The following ARHGAP25 variants were observed in gnomAD, a reference collection of about 807,000 sequenced individuals.
ARHGAP25 encodes the protein Rho GTPase activating protein 25.
ARHGAP25 carries 34 observed loss-of-function variants against 71.0 expected under a neutral mutation model. The observed-to-expected ratio is 0.48, with a 90% CI of 0.36 to 0.64. The LOEUF (loss-of-function observed/expected upper bound fraction) is 0.64. Ranked by LOEUF, ARHGAP25 falls within the 30% of genes least tolerant of loss-of-function variation. The pLI is 0.00. For missense variants in ARHGAP25, 706 were observed against 805.1 expected, an observed-to-expected ratio of 0.88 and a Z score of 1.49; for synonymous variants, 282 against 296.5, an observed-to-expected ratio of 0.95 and a Z score of 0.50.
chr2:68,793,103 C>T (rs1679305779), intron 4 of ARHGAP25, among the ~76,000 whole-genome samples: 1 of 151,962 alleles, frequency 6.6e-6, no homozygotes, highest in Non-Finnish European at 1.5e-5. Context: ...ATGTCCTTTA[C>T]CCACTTTTTA....
At chr2:68,779,541 T>C (rs1033599210) in intron 2 of ARHGAP25, among the ~76,000 whole-genome samples, 9 of 152,144 alleles carry the variant, frequency 5.9e-5, no homozygotes, top group Non-Finnish European at 1.2e-4. Context: ...TTTTGAAAAA[T>C]GCTTTAACAA....
chr2:68,777,898 A>G (rs1463566977), intron 2 of ARHGAP25, among the ~76,000 whole-genome samples: 1 of 152,146 alleles, frequency 6.6e-6, no homozygotes, highest in Non-Finnish European at 1.5e-5. Context: ...CCTTCCCTAT[A>G]CATATGTATT....
chr2:68,787,768 T>C (rs1274401473), intron 3 of ARHGAP25, 72 bp from the exon 4 acceptor site: 10 of 1,252,408 alleles, frequency 8.0e-6, no homozygotes, highest in Non-Finnish European at 1.1e-5. Context: ...TTAGGTCTGG[T>C]TCCCTTCTCT....
intron 1 of ARHGAP25, among the ~76,000 whole-genome samples, chr2:68,740,322 T>C (rs940977270): frequency 1.3e-5 from 2 of 152,212 alleles, no homozygotes; most frequent in Non-Finnish European, 2.9e-5. Context: ...TGTATCTACT[T>C]TTTTGGAGAA....
intron 1 of ARHGAP25, among the ~76,000 whole-genome samples, chr2:68,761,816 A>C (rs567240638): frequency 1.9e-4 from 29 of 152,308 alleles, no homozygotes; most frequent in African/African-American, 6.7e-4. Flanking sequence ...ACTATGGAAA[A>C]CAGTATAGCA....
chr2:68,781,263 G>A (rs961678254), intron 2 of ARHGAP25, among the ~76,000 whole-genome samples: 9 of 152,076 alleles, frequency 5.9e-5, no homozygotes, highest in Admixed American at 1.3e-4. Flanking sequence ...AGTGGTGAGC[G>A]CCTGTAGTGC....
At chr2:68,758,513 G>A (rs1183539746) in intron 1 of ARHGAP25, among the ~76,000 whole-genome samples, 2 of 151,606 alleles carry the variant, frequency 1.3e-5, no homozygotes, top group Non-Finnish European at 3.0e-5. Flanking sequence ...AAGAAACAAA[G>A]AAAAACATTA....
At chr2:68,720,105 G>C (rs897063364) in intron 2 of ARHGAP25, among the ~76,000 whole-genome samples, 1 of 152,000 alleles carries the variant, frequency 6.6e-6, no homozygotes, top group African/African-American at 2.4e-5. Context: ...GACTGATCAG[G>C]GTTCTTTTCT....
chr2:68,771,096 TC>T (rs1677459547), intron 1 of ARHGAP25, among the ~76,000 whole-genome samples: 1 of 152,188 alleles, frequency 6.6e-6, no homozygotes, highest in Non-Finnish European at 1.5e-5. Flanking sequence ...CCTATTTAAT[TC>T]ATTTAAATGT....
chr2:68,781,389 C>CAAAAAAAAAAAAAAAAAAAAAAAAAAAA (rs1558633154), intron 2 of ARHGAP25, among the ~76,000 whole-genome samples: 1 of 151,854 alleles, frequency 6.6e-6, no homozygotes, highest in African/African-American at 2.4e-5. Flanking sequence ...GACTCCGTCT[C>CAAAAAAAAAAAAAAAAAAAAAAAAAAAA]AAAAAGAAAC....
chr2:68,719,370 T>C (rs1221493413), intron 2 of ARHGAP25, among the ~76,000 whole-genome samples: 1 of 146,520 alleles, frequency 6.8e-6, no homozygotes, highest in African/African-American at 2.5e-5. Context: ...GTAGATAGTG[T>C]CAGAACCGAA....
intron 4 of ARHGAP25, among the ~76,000 whole-genome samples, chr2:68,793,143 T>C (rs1034822908): frequency 3.9e-5 from 6 of 152,168 alleles, no homozygotes; most frequent in African/African-American, 1.2e-4. Flanking sequence ...TGTTGTTGAG[T>C]TATTTGAGCT....
At chr2:68,760,376 T>G (rs1395042433) in intron 1 of ARHGAP25, among the ~76,000 whole-genome samples, 1 of 151,886 alleles carries the variant, frequency 6.6e-6, no homozygotes, top group East Asian at 1.9e-4. Context: ...AGCATCCACA[T>G]TAGAAAAGAA....
intron 2 of ARHGAP25, among the ~76,000 whole-genome samples, chr2:68,728,912 G>A (rs984977546): frequency 1.4e-4 from 21 of 152,096 alleles, no homozygotes; most frequent in African/African-American, 4.8e-4. Context: ...AATATTATTT[G>A]GCCATGAAAA....
intron 9 of ARHGAP25, among the ~76,000 whole-genome samples, chr2:68,821,162 T>C (rs1204988730): frequency 1.4e-5 from 2 of 144,966 alleles, no homozygotes; most frequent in African/African-American, 5.1e-5. Flanking sequence ...GGTGGTGCGA[T>C]CACAGCTTAC....
At position 68,767,792 on chromosome 2, in the gene ARHGAP25, G is replaced by A. The variant is rs1346766450; in HGVS notation, c.62-7429G>A. Reference sequence around the variant, plus strand: ...ACCATTTCTCTGTCACTGTGTTTTCGAGGCCTGCTGAGCCTTGCAGAGCAT... The same window carrying A: ...ACCATTTCTCTGTCACTGTGTTTTCAAGGCCTGCTGAGCCTTGCAGAGCAT... On this transcript the variant is annotated intron_variant, in intron 1 of 10. Coordinates refer to ENST00000409202, the MANE Select transcript of ARHGAP25 (RefSeq NM_001007231.3). This position sits in a 1 kb window ranked among gnomAD's most constrained non-coding sequence, Gnocchi z 4.6. Among the ~76,000 whole-genome samples the A allele has an allele frequency of 2.6e-5, 4 of 152,158 alleles. No individual in the cohort carries two copies. The highest frequency in any genetic ancestry group is 7.2e-5 in the African/African-American group (3 of 41,426).
intron 2 of ARHGAP25, among the ~76,000 whole-genome samples, chr2:68,724,002 T>G (rs1372988187): frequency 6.6e-6 from 1 of 152,010 alleles, no homozygotes; most frequent in Non-Finnish European, 1.5e-5. Flanking sequence ...GCTACCTGAG[T>G]AGCTGGGACT....
intron 3 of ARHGAP25, among the ~76,000 whole-genome samples, chr2:68,782,857 G>C (rs576009691): frequency 2.4e-4 from 36 of 152,330 alleles, no homozygotes; most frequent in South Asian, 4.1e-4. Flanking sequence ...GAATGCATTT[G>C]GAACAAGGGG....
chr2:68,778,065 ATTTAT>A (rs1398271386), intron 2 of ARHGAP25, among the ~76,000 whole-genome samples: 2 of 152,164 alleles, frequency 1.3e-5, no homozygotes, highest in Non-Finnish European at 2.9e-5. Context: ...ATGTTCCATA[ATTTAT>A]TTAATTAATT....
Sources: allele counts gnomAD v4.1 joint callset (sites outside exome capture counted in the v4.1 genomes callset), GRCh38; gene constraint gnomAD v4.1.1; non-coding constraint Gnocchi (gnomAD v3.1); transcripts MANE v1.5; gene names NCBI Gene and HGNC (gene_info 2026-07-23, HGNC 2026-07-21).